Variants in MAPK8 observed in about 807,000 individuals in gnomAD.
MAPK8 encodes the protein JUN N-terminal kinase.
In MAPK8, 13 loss-of-function variants were observed where a neutral mutation model predicts 52.9. That is an observed-to-expected ratio of 0.25 (90% CI 0.16 to 0.39). The LOEUF (loss-of-function observed/expected upper bound fraction) is 0.39, where lower values mean the gene tolerates loss of function less well. Ranked by LOEUF, MAPK8 falls within the 10% of genes least tolerant of loss-of-function variation. The pLI, the probability that MAPK8 is intolerant of heterozygous loss-of-function variation, is 1.00. For synonymous variants in MAPK8, 191 were observed against 169.8 expected, an observed-to-expected ratio of 1.12 and a Z score of -0.97; for missense variants, 300 against 519.2, an observed-to-expected ratio of 0.58 and a Z score of 4.10.
chr10:48,428,193 G>A (rs1437466199), intron 10 of MAPK8, among the ~76,000 whole-genome samples: 1 of 152,096 alleles, frequency 6.6e-6, no homozygotes, highest in Non-Finnish European at 1.5e-5. Flanking sequence ...TATGAATGTG[G>A]CTGAAATTAA....
At chr10:48,378,554 G>C (rs2040807115) in intron 1 of MAPK8, among the ~76,000 whole-genome samples, 1 of 151,980 alleles carries the variant, frequency 6.6e-6, no homozygotes, top group Non-Finnish European at 1.5e-5. Context: ...ATTAAAACCT[G>C]GTTCTTCTTT....
intron 6 of MAPK8, among the ~76,000 whole-genome samples, chr10:48,420,935 T>C (rs1470362049): frequency 6.6e-6 from 1 of 152,250 alleles, no homozygotes; most frequent in Non-Finnish European, 1.5e-5. Flanking sequence ...ATCTGGCATG[T>C]AGATCATGAA....
At chr10:48,424,804 G>A (rs2043576448) in intron 7 of MAPK8, among the ~76,000 whole-genome samples, 1 of 151,894 alleles carries the variant, frequency 6.6e-6, no homozygotes, top group African/African-American at 2.4e-5. Flanking sequence ...ACAATTACTT[G>A]CTGGCTTTGA....
intron 1 of MAPK8, among the ~76,000 whole-genome samples, chr10:48,394,376 T>TA (rs2041784323): frequency 6.6e-6 from 1 of 151,878 alleles, no homozygotes; most frequent in African/African-American, 2.4e-5. Flanking sequence ...AATCAATACA[T>TA]AAAAAGGATA....
At chr10:48,403,772 A>C (rs895201880) in intron 2 of MAPK8, among the ~76,000 whole-genome samples, 3 of 151,434 alleles carry the variant, frequency 2.0e-5, no homozygotes, top group Non-Finnish European at 4.4e-5. Flanking sequence ...TTTTTGAGAC[A>C]GAGTCTCACT....
chr10:48,431,286 A>C lies in MAPK8; in HGVS notation c.1138+16A>C. 1 of 1,571,694 alleles carries C rather than the reference A, an allele frequency of 6.4e-7. No homozygotes were observed. The highest frequency in any genetic ancestry group is 8.7e-7 in the Non-Finnish European group (1 of 1,144,836). ...TCTCCTTTAGGTTGGTTACAATATA[A>C]GCTTGGTTAAGATTACAGTTTACTT... On this transcript the variant is annotated intron_variant, in intron 11 of 11. Coordinates refer to ENST00000374189, the MANE Select transcript of MAPK8 (RefSeq NM_001323329.2).
intron 3 of MAPK8, among the ~76,000 whole-genome samples, chr10:48,406,265 A>G (rs2042466245): frequency 2.0e-5 from 3 of 152,196 alleles, no homozygotes; most frequent in Admixed American, 2.0e-4. Flanking sequence ...CCAAGCGGGA[A>G]CTTGATGTGT....
At chr10:48,351,208 T>G (rs1454667991) in intron 1 of MAPK8, among the ~76,000 whole-genome samples, 1 of 151,974 alleles carries the variant, frequency 6.6e-6, no homozygotes, top group East Asian at 1.9e-4. Context: ...AATTTATAGA[T>G]TCAATGCTAT....
chr10:48,308,650 G>A (rs189526148), intron 1 of MAPK8, among the ~76,000 whole-genome samples: 13 of 152,020 alleles, frequency 8.6e-5, no homozygotes, highest in African/African-American at 2.9e-4. Context: ...TTTCAGTAGG[G>A]GTCTAAAATG....
At chr10:48,386,385 T>G (rs1007577273) in intron 1 of MAPK8, among the ~76,000 whole-genome samples, 3 of 152,220 alleles carry the variant, frequency 2.0e-5, no homozygotes. Context: ...TTCTTAGATT[T>G]AAAATTAAAA....
intron 1 of MAPK8, among the ~76,000 whole-genome samples, chr10:48,396,281 G>C (rs139337233): frequency 2.0e-5 from 3 of 152,196 alleles, no homozygotes; most frequent in African/African-American, 7.2e-5. Context: ...ATTAGAAAAT[G>C]AGTAAAACAC....
At chr10:48,307,644 C>T (rs946040666) in intron 1 of MAPK8, among the ~76,000 whole-genome samples, 1 of 152,220 alleles carries the variant, frequency 6.6e-6, no homozygotes, top group African/African-American at 2.4e-5. Flanking sequence ...TTGGTCTTTA[C>T]TGCGAATTTA....
chr10:48,322,535 G>A (rs1843100193), intron 1 of MAPK8, among the ~76,000 whole-genome samples: 2 of 152,050 alleles, frequency 1.3e-5, no homozygotes, highest in South Asian at 4.2e-4. Context: ...ACTGGGTTCC[G>A]GAGTCTACGA....
intron 1 of MAPK8, among the ~76,000 whole-genome samples, chr10:48,340,298 CAG>C (rs1845125176): frequency 6.6e-6 from 1 of 152,120 alleles, no homozygotes; most frequent in African/African-American, 2.4e-5. Flanking sequence ...AATGCAGAAA[CAG>C]AAAAATACCG....
chr10:48,358,892 C>T lies in MAPK8; in HGVS notation c.-49-42720C>T, dbSNP rs1055360884. ...GTTCTTTCCCTCTTGTCTTGACACC[C>T]TTGTCAGAAATCGATGACCATTGAT... On this transcript the variant is annotated intron_variant, in intron 1 of 11. Transcript: ENST00000374189. Among the ~76,000 whole-genome samples the T allele has an allele frequency of 3.9e-5, 6 of 152,094 alleles. No homozygotes were observed. In the South Asian group the frequency reaches 1.2e-3, roughly 32 times the overall value.
chr10:48,315,098 C>T (rs1488620959), intron 1 of MAPK8, among the ~76,000 whole-genome samples: 1 of 152,200 alleles, frequency 6.6e-6, no homozygotes, highest in African/African-American at 2.4e-5. Context: ...GTGTTTTCTG[C>T]TAGGTCTAAT....
chr10:48,385,404 C>G (rs1269738504), intron 1 of MAPK8, among the ~76,000 whole-genome samples: 1 of 152,182 alleles, frequency 6.6e-6, no homozygotes, highest in Non-Finnish European at 1.5e-5. Context: ...GTCAGGCAGT[C>G]ATGTTATGTT....
intron 9 of MAPK8, 100 bp from the exon 10 acceptor site, chr10:48,426,980 T>C (rs568211577): frequency 4.9e-6 from 4 of 814,832 alleles, no homozygotes; most frequent in Admixed American, 3.9e-5. Context: ...TCTAATGATA[T>C]ATTTTTATAA....
intron 2 of MAPK8, among the ~76,000 whole-genome samples, chr10:48,402,906 A>G (rs1421864572): frequency 6.6e-6 from 1 of 152,144 alleles, no homozygotes. Flanking sequence ...TTTTAAACGA[A>G]CTGGAGCCAT....
Sources: gnomAD v4.1 joint callset for allele counts (sites outside exome capture counted in the v4.1 genomes callset) on GRCh38, gnomAD v4.1.1 for gene constraint, MANE v1.5 for transcripts, NCBI Gene and HGNC (gene_info 2026-07-23, HGNC 2026-07-21) for gene names.